The following CPT1A variants were observed in gnomAD, a reference collection of about 807,000 sequenced individuals.
The protein encoded by CPT1A is carnitine O-palmitoyltransferase 1, liver isoform.
CPT1A carries 64 observed loss-of-function variants against 100.8 expected under a neutral mutation model. The observed-to-expected ratio is 0.63, with a 90% CI of 0.52 to 0.78. The LOEUF (loss-of-function observed/expected upper bound fraction) is 0.78, where lower values mean the gene tolerates loss of function less well. CPT1A is among the 30% of genes least tolerant of loss of function. CPT1A has a pLI of 0.00. For synonymous variants in CPT1A, 363 were observed against 396.0 expected (o/e 0.92, Z 0.99); for missense variants, 802 against 1,034.1 (o/e 0.78, Z 3.08).
chr11:68,800,226 C>T (rs906990675), intron 5 of CPT1A, among the ~76,000 whole-genome samples: 2 of 152,126 alleles, frequency 1.3e-5, no homozygotes, highest in South Asian at 2.1e-4. Context: ...GCCCCCACCC[C>T]GCCTCGTCCT....
chr11:68,833,792 G>A (rs997583248), intron 1 of CPT1A, among the ~76,000 whole-genome samples: 5 of 152,030 alleles, frequency 3.3e-5, no homozygotes, highest in African/African-American at 9.7e-5. Context: ...CCTTAGAAGT[G>A]AGAATGTAAG....
chr11:68,839,432 G>T, intron 1 of CPT1A: 1 of 865,058 alleles, frequency 1.2e-6, no homozygotes, highest in African/African-American at 1.8e-5. Flanking sequence ...CCGCCCCCAG[G>T]CTGGCGCGTC....
chr11:68,791,185 C>T (rs1855603581), intron 9 of CPT1A, among the ~76,000 whole-genome samples: 1 of 151,874 alleles, frequency 6.6e-6, no homozygotes, highest in Admixed American at 6.6e-5. Flanking sequence ...TCAGTGTAGG[C>T]CGCATGTCTC....
intron 14 of CPT1A, 104 bp from the exon 15 acceptor site, chr11:68,762,865 C>A: frequency 1.4e-6 from 2 of 1,472,446 alleles, no homozygotes; most frequent in South Asian, 1.2e-5. Context: ...ACTTCATTGT[C>A]AACATTTTTT....
chr11:68,772,753 C>T (rs545699324), intron 14 of CPT1A, among the ~76,000 whole-genome samples: 1 of 152,148 alleles, frequency 6.6e-6, no homozygotes, highest in Admixed American at 6.5e-5. Flanking sequence ...AAGATTTACT[C>T]TGCCAAAAGG....
intron 3 of CPT1A, 127 bp downstream of exon 3, chr11:68,812,310 T>G: frequency 3.8e-5 from 51 of 1,345,248 alleles, no homozygotes; most frequent in Non-Finnish European, 5.1e-5. Flanking sequence ...AAAGCTGACG[T>G]GAGAACAGCA....
chr11:68,814,375 C>A (rs185108601), intron 2 of CPT1A, among the ~76,000 whole-genome samples: 15 of 150,630 alleles, frequency 1.0e-4, no homozygotes, highest in Non-Finnish European at 1.8e-4. Flanking sequence ...GGCGCGATCT[C>A]GGCTCACTGC....
chr11:68,775,322 C>G lies in CPT1A; in HGVS notation c.1569G>C (p.Pro523=), dbSNP rs754717309. The G allele has an allele frequency of 3.1e-6, 5 of 1,612,002 alleles. No individual in the cohort carries two copies. The highest frequency in any genetic ancestry group is 2.7e-5 in the African/African-American group (2 of 74,870). Residue 523 remains proline, a synonymous_variant, in exon 13 of 19, where the codon CCG becomes CCC. Coordinates refer to ENST00000265641, the MANE Select transcript of CPT1A (RefSeq NM_001876.4). ...TTGGATAATCCGGACTTACTTCCCCCGGGATGTCCCACTGCAGCCTGGTGG... is the reference window on the plus strand; with the variant it reads ...TTGGATAATCCGGACTTACTTCCCCGGGGATGTCCCACTGCAGCCTGGTGG... ...PYPTRLQWDI[P]GECQEVIETS...
chr11:68,788,641 A>AC, intron 9 of CPT1A, among the ~76,000 whole-genome samples: 1 of 149,398 alleles, frequency 6.7e-6, no homozygotes, highest in African/African-American at 2.4e-5. Context: ...AAAAAAAAAA[A>AC]AAAAAAAAAA....
chr11:68,777,627 A>G (rs929231549), intron 12 of CPT1A, among the ~76,000 whole-genome samples: 1 of 152,156 alleles, frequency 6.6e-6, no homozygotes, highest in Non-Finnish European at 1.5e-5. Context: ...ACTAAACACC[A>G]CTACTTCTAC....
At chr11:68,816,883 A>ATG (rs1164041053) in intron 1 of CPT1A, among the ~76,000 whole-genome samples, 25 of 98,902 alleles carry the variant, frequency 2.5e-4, no homozygotes, top group Admixed American at 1.8e-3. Flanking sequence ...ACATGTGTAT[A>ATG]TGTGTGTGTG....
chr11:68,829,867 A>G (rs957226897), intron 1 of CPT1A, among the ~76,000 whole-genome samples: 3 of 152,174 alleles, frequency 2.0e-5, no homozygotes, highest in Non-Finnish European at 4.4e-5. Context: ...TGGCATTGTC[A>G]TGGGGCCGCG....
At chr11:68,834,648 C>T (rs11228376) in intron 1 of CPT1A, among the ~76,000 whole-genome samples, 58 of 151,766 alleles carry the variant, frequency 3.8e-4, no homozygotes, top group African/African-American at 1.2e-3. Context: ...CAGCTACTTG[C>T]GAGTATCACT....
At chr11:68,815,031 A>G (rs1211170998) in intron 2 of CPT1A, among the ~76,000 whole-genome samples, 1 of 152,162 alleles carries the variant, frequency 6.6e-6, no homozygotes, top group African/African-American at 2.4e-5. Flanking sequence ...TCTGACTCAG[A>G]GCAGAAGATG....
In CPT1A at chr11:68,785,026, G is replaced by A; in HGVS notation, c.968-16C>T. 6.2e-7 allele frequency: 1 copy of A among 1,612,374 alleles called. No homozygotes were observed. Among genetic ancestry groups the A allele is most frequent in the Non-Finnish European group, 8.5e-7 (1 of 1,179,752 alleles). ...TGGATGGTGTCTGAGCCGGCCGCAG[G>A]TTGGAGACACAAAACCAAGAGTCCC... On this transcript the variant is annotated splice_polypyrimidine_tract_variant and intron_variant, in intron 9 of 18. Transcript: ENST00000265641.
chr11:68,803,712 AAAAATAAAATAAAAT>A lies in CPT1A; in HGVS notation c.555+273_555+287del, dbSNP rs59753299. Among the ~76,000 whole-genome samples, 16,392 of 143,624 alleles carry A rather than the reference AAAAATAAAATAAAAT, an allele frequency of 0.11. 1,019 individuals are homozygous for A. The highest frequency in any genetic ancestry group is 0.19 in the East Asian group (914 of 4,936). 94.2% of individuals were successfully genotyped at this position (143,624 alleles called of 152,430 possible). ...GGTGACAGAGGGAGAGTCCATCACA[AAAAATAAAATAAAAT>A]AAAATAAAATAAAATAAAATAAAAT... is the stretch of plus-strand genomic sequence containing the variant. On this transcript the variant is annotated intron_variant, in intron 5 of 18. Transcript: ENST00000265641.
At position 68,841,812 on chromosome 11, in the gene CPT1A, C is replaced by T. The variant is rs1594386309; in HGVS notation, c.-51G>A. The stretch of plus-strand genomic sequence containing the variant: ...GGAGGTGCGGCAGCGGCAGCGGCAG[C>T]GGCGGCGGCGGCGGCGGCGGTGGAG... On this transcript the variant is annotated 5_prime_UTR_variant, in exon 1 of 19. Transcript: ENST00000265641. This position sits in a 1 kb window ranked among gnomAD's most constrained non-coding sequence, Gnocchi z 6.3. 3 of 961,786 alleles carry T rather than the reference C, an allele frequency of 3.1e-6. No homozygotes were observed. Among genetic ancestry groups the T allele is most frequent in the Non-Finnish European group, 3.7e-6 (3 of 807,822 alleles). The allele number at this position is 961,786 out of a possible 1,614,324, so 59.6% of individuals were successfully genotyped here.
At chr11:68,831,404 C>G (rs1856874786) in intron 1 of CPT1A, among the ~76,000 whole-genome samples, 1 of 152,098 alleles carries the variant, frequency 6.6e-6, no homozygotes, top group Non-Finnish European at 1.5e-5. Context: ...TGGGACTTGC[C>G]TCTGTAATAT....
chr11:68,757,273 C>T lies in CPT1A; in HGVS notation c.*371G>A. ...TTGGATGATGCTAAATGCCCTTAAGCACTAGGCCTTCGGTTGCCACTGAGA... is the reference window on the plus strand; with the variant it reads ...TTGGATGATGCTAAATGCCCTTAAGTACTAGGCCTTCGGTTGCCACTGAGA... On this transcript the variant is annotated 3_prime_UTR_variant, in exon 19 of 19. Transcript: ENST00000265641. 2.6e-6 allele frequency: 3 copies of T among 1,147,100 alleles called. No individual in the cohort carries two copies. Among genetic ancestry groups the T allele is most frequent in the Non-Finnish European group, 3.2e-6 (3 of 924,280 alleles). 71.1% of individuals were successfully genotyped at this position (1,147,100 alleles called of 1,614,324 possible).
Sources: allele counts gnomAD v4.1 joint callset (sites outside exome capture counted in the v4.1 genomes callset), GRCh38; gene constraint gnomAD v4.1.1; non-coding constraint Gnocchi (gnomAD v3.1); transcripts MANE v1.5; gene names NCBI Gene and HGNC (gene_info 2026-07-23, HGNC 2026-07-21).